PHF2: variants seen among roughly 807,000 people sequenced by gnomAD.
PHF2 encodes PHD finger protein 2.
PHF2 carries 27 observed loss-of-function variants against 120.5 expected under a neutral mutation model. The observed-to-expected ratio is 0.22, with a 90% CI of 0.17 to 0.31. PHF2 has a LOEUF of 0.31. PHF2 is among the 10% of genes least tolerant of loss of function. PHF2 has a pLI of 1.00. For synonymous variants in PHF2, 568 were observed against 592.5 expected (o/e 0.96, Z 0.60); for missense variants, 1,024 against 1,434.8 (o/e 0.71, Z 4.63).
At chr9:93,650,200 G>A (rs1299042542) in intron 5 of PHF2, among the ~76,000 whole-genome samples, 3 of 151,242 alleles carry the variant, frequency 2.0e-5, no homozygotes, top group East Asian at 2.0e-4. Context: ...ACAACACACC[G>A]ACACACTCAC....
rs143849629 is a variant in PHF2, at chr9:93,665,760, A to C, written c.2012A>C (p.Lys671Thr). Residue 671 changes from lysine to threonine, a missense_variant, in exon 15 of 22, where the codon AAG becomes ACG. This residue lies in a region of PHF2 where 677 missense variants were observed against 857.4 expected (regional missense o/e 0.79). Coordinates refer to ENST00000359246, the MANE Select transcript of PHF2 (RefSeq NM_005392.4). ...CAGAACTTCAAGGAGGACAAGCCCA[A>C]GCCCGTGCGGGATGAGTATGAGTAC... ...ALQNFKEDKP[K>T]PVRDEYEYVS... 1.9e-4 allele frequency: 309 copies of C among 1,614,116 alleles called. No homozygotes were observed. Among genetic ancestry groups the C allele is most frequent in the Non-Finnish European group, 1.6e-4 (190 of 1,180,034 alleles).
chr9:93,617,774 G>A (rs1475784930), intron 1 of PHF2, among the ~76,000 whole-genome samples: 1 of 152,142 alleles, frequency 6.6e-6, no homozygotes, highest in African/African-American at 2.4e-5. Flanking sequence ...AGTGTTCGAG[G>A]GCAGGAAGGA....
intron 14 of PHF2, among the ~76,000 whole-genome samples, chr9:93,664,161 C>T (rs1276444233): frequency 6.6e-6 from 1 of 152,166 alleles, no homozygotes; most frequent in Non-Finnish European, 1.5e-5. Flanking sequence ...GCTCTCAGAG[C>T]CCGGTGGCCA....
At chr9:93,587,905 T>C (rs1863087311) in intron 1 of PHF2, among the ~76,000 whole-genome samples, 2 of 152,128 alleles carry the variant, frequency 1.3e-5, no homozygotes, top group Non-Finnish European at 2.9e-5. Context: ...GTCTGCTGGG[T>C]AGCCCTTGAC....
At chr9:93,600,384 A>C (rs551667374) in intron 1 of PHF2, among the ~76,000 whole-genome samples, 1 of 152,046 alleles carries the variant, frequency 6.6e-6, no homozygotes, top group East Asian at 1.9e-4. Context: ...CGTCTTTGTG[A>C]TCTCCCAGTC....
intron 18 of PHF2, among the ~76,000 whole-genome samples, chr9:93,674,350 C>T (rs946387592): frequency 1.3e-5 from 2 of 152,156 alleles, no homozygotes; most frequent in Admixed American, 6.5e-5. Flanking sequence ...CACCTAGACC[C>T]GCCAGGCAGG....
intron 6 of PHF2, among the ~76,000 whole-genome samples, chr9:93,654,086 A>G (rs1322757069): frequency 6.6e-6 from 1 of 152,218 alleles, no homozygotes; most frequent in East Asian, 1.9e-4. Context: ...CCTGAGATCC[A>G]AGTGGCTCTC....
intron 5 of PHF2, among the ~76,000 whole-genome samples, chr9:93,652,273 G>A (rs1406422601): frequency 6.6e-6 from 1 of 151,014 alleles, no homozygotes; most frequent in East Asian, 1.9e-4. Flanking sequence ...TCACTGCACG[G>A]GTGCTGTTGA....
intron 1 of PHF2, among the ~76,000 whole-genome samples, chr9:93,593,318 C>T (rs1450435655): frequency 6.6e-6 from 1 of 152,058 alleles, no homozygotes; most frequent in Non-Finnish European, 1.5e-5. Flanking sequence ...GAGGACAGGG[C>T]CCTCACCTCC....
intron 3 of PHF2, among the ~76,000 whole-genome samples, chr9:93,639,523 A>G (rs10115715): frequency 6.6e-6 from 1 of 152,014 alleles, no homozygotes; most frequent in South Asian, 2.1e-4. Flanking sequence ...GCAAATTGAG[A>G]TAGTATGACT....
intron 2 of PHF2, among the ~76,000 whole-genome samples, chr9:93,631,145 C>T (rs10121780): frequency 0.17 from 25,709 of 152,154 alleles, 2,298 homozygotes; most frequent in African/African-American, 0.22. Flanking sequence ...CACCCCTGTT[C>T]TGTGAGCTGA....
intron 1 of PHF2, among the ~76,000 whole-genome samples, chr9:93,588,487 G>T (rs1171322506): frequency 6.6e-6 from 1 of 152,176 alleles, no homozygotes; most frequent in African/African-American, 2.4e-5. Flanking sequence ...GCATAGACCT[G>T]GAGGGAGCCT....
At chr9:93,589,068 A>G (rs1863121386) in intron 1 of PHF2, among the ~76,000 whole-genome samples, 1 of 152,146 alleles carries the variant, frequency 6.6e-6, no homozygotes, top group South Asian at 2.1e-4. Context: ...CAGGAAGGTG[A>G]AGCCGCTTTC....
chr9:93,660,293 G>C lies in PHF2; in HGVS notation c.1431G>C (p.Glu477Asp), dbSNP rs1424484397. 6.2e-7 allele frequency: 1 copy of C among 1,610,030 alleles called. No homozygotes were observed. The highest frequency in any genetic ancestry group is 1.1e-5 in the South Asian group (1 of 90,374). Residue 477 changes from glutamate to aspartate, a missense_variant, in exon 12 of 22, where the codon GAG becomes GAC. Physicochemically the swap from Glu to Asp is conservative, Grantham distance 45. Transcript: ENST00000359246. ...REKEEPPSPI[E>D]ATPPQSLLEK... ...AGGAGGAGCCCCCGTCTCCCATTGA[G>C]GCCACCCCGCCTCAATCCCTCCTGG...
At chr9:93,609,383 A>C (rs1238496348) in intron 1 of PHF2, among the ~76,000 whole-genome samples, 1 of 152,110 alleles carries the variant, frequency 6.6e-6, no homozygotes, top group Non-Finnish European at 1.5e-5. Context: ...TTCTTTCTAC[A>C]GATTCTAATT....
intron 1 of PHF2, among the ~76,000 whole-genome samples, chr9:93,579,236 C>A (rs1025837649): frequency 1.3e-5 from 2 of 152,198 alleles, no homozygotes; most frequent in African/African-American, 4.8e-5. Flanking sequence ...GTGGTTCTTT[C>A]CTGATCTTCG....
Position 93,667,067 on chromosome 9 carries a change from C to T in PHF2, c.2188-13C>T, listed in dbSNP as rs1564401369. 6.2e-7 allele frequency: 1 copy of T among 1,607,764 alleles called. No homozygotes were observed. Among genetic ancestry groups the T allele is most frequent in the Non-Finnish European group, 8.5e-7 (1 of 1,177,630 alleles). Reference sequence around the variant, plus strand: ...ACCCTCCCCTGACCGAAGCCCTGTCCCTCGCGCAGCAGAGTGATGACTCCT... The same window carrying T: ...ACCCTCCCCTGACCGAAGCCCTGTCTCTCGCGCAGCAGAGTGATGACTCCT... On this transcript the variant is annotated splice_polypyrimidine_tract_variant and intron_variant, in intron 16 of 21. Transcript: ENST00000359246.
At chr9:93,675,194 T>A (rs1826886206) in intron 19 of PHF2, among the ~76,000 whole-genome samples, 172 bp downstream of exon 19, 1 of 152,200 alleles carries the variant, frequency 6.6e-6, no homozygotes, top group South Asian at 2.1e-4. Context: ...AGGAGTGCCG[T>A]GGGCTTCACT....
chr9:93,588,667 G>A (rs1490790583), intron 1 of PHF2, among the ~76,000 whole-genome samples: 4 of 152,252 alleles, frequency 2.6e-5, no homozygotes, highest in Middle Eastern at 3.4e-3. Flanking sequence ...TGAGGCAGGC[G>A]GATCACAAGG....
Sources: allele counts gnomAD v4.1 joint callset (sites outside exome capture counted in the v4.1 genomes callset), GRCh38; gene constraint gnomAD v4.1.1; regional missense constraint gnomAD v4.1.1; transcripts MANE v1.5; gene names NCBI Gene and HGNC (gene_info 2026-07-23, HGNC 2026-07-21).